ATP8A2: variants seen among roughly 807,000 people sequenced by gnomAD.
The protein encoded by ATP8A2 is phospholipid-transporting ATPase IB.
Under a neutral mutation model 165.6 loss-of-function variants are expected in ATP8A2, and 100 were observed. That is an observed-to-expected ratio of 0.60 (90% CI 0.51 to 0.71). The LOEUF is 0.71. Ranked by LOEUF, ATP8A2 falls within the 30% of genes least tolerant of loss-of-function variation. ATP8A2 has a pLI of 0.00. For missense variants in ATP8A2, 1,227 were observed against 1,479.5 expected (o/e 0.83, Z 2.80); for synonymous variants, 543 against 548.8 (o/e 0.99, Z 0.15).
intron 1 of ATP8A2, among the ~76,000 whole-genome samples, chr13:25,458,406 G>A (rs2035418548): frequency 6.6e-6 from 1 of 152,148 alleles, no homozygotes; most frequent in African/African-American, 2.4e-5. Context: ...TTGAGATGAG[G>A]GTCTTTCTGT....
At chr13:25,721,155 G>A (rs2043373103) in intron 25 of ATP8A2, among the ~76,000 whole-genome samples, 1 of 151,556 alleles carries the variant, frequency 6.6e-6, no homozygotes, top group South Asian at 2.1e-4. Context: ...GTAGGGATAA[G>A]GGTCTTGCTG....
At chr13:25,540,234 A>G in intron 7 of ATP8A2, 85 bp from the exon 8 acceptor site, 1 of 1,000,220 alleles carries the variant, frequency 1.0e-6, no homozygotes. Context: ...ATCAGCAGAC[A>G]CAGATTCCAT....
At chr13:25,702,947 A>G (rs887640358) in intron 25 of ATP8A2, among the ~76,000 whole-genome samples, 11 of 151,942 alleles carry the variant, frequency 7.2e-5, no homozygotes, top group African/African-American at 2.2e-4. Context: ...CTCTGGTCCT[A>G]TCGTATTCCC....
chr13:25,738,205 A>C (rs754911455), intron 25 of ATP8A2, among the ~76,000 whole-genome samples: 1 of 152,114 alleles, frequency 6.6e-6, no homozygotes, highest in Admixed American at 6.5e-5. Context: ...TTAAACTCCA[A>C]TGTCCCCGAG....
intron 25 of ATP8A2, among the ~76,000 whole-genome samples, chr13:25,745,582 C>G (rs554031270): frequency 9.7e-4 from 147 of 152,174 alleles, no homozygotes; most frequent in African/African-American, 3.3e-3. Context: ...GACTATGTAT[C>G]CACTCTATGA....
intron 29 of ATP8A2, among the ~76,000 whole-genome samples, chr13:25,838,784 G>T (rs989686538): frequency 3.9e-5 from 6 of 152,096 alleles, no homozygotes; most frequent in Non-Finnish European, 7.4e-5. Flanking sequence ...AGCCAAGATG[G>T]CCGAATAGGA....
chr13:25,814,660 A>G (rs1471793828), intron 27 of ATP8A2, among the ~76,000 whole-genome samples: 1 of 150,262 alleles, frequency 6.7e-6, no homozygotes, highest in African/African-American at 2.4e-5. Context: ...GAATGAGGCT[A>G]GGAAAACTGG....
chr13:25,882,416 C>T (rs3783123), intron 33 of ATP8A2, among the ~76,000 whole-genome samples: 4 of 152,298 alleles, frequency 2.6e-5, no homozygotes, highest in Admixed American at 6.5e-5. Flanking sequence ...CATGGTCAGA[C>T]GCAGCCTGTC....
chr13:25,710,644 G>A (rs552935245), intron 25 of ATP8A2, among the ~76,000 whole-genome samples: 147 of 152,314 alleles, frequency 9.7e-4, no homozygotes, highest in African/African-American at 3.3e-3. Flanking sequence ...AGTACCTACT[G>A]TTTAAGGTTG....
intron 25 of ATP8A2, among the ~76,000 whole-genome samples, chr13:25,733,714 C>T (rs1419204524): frequency 1.3e-5 from 2 of 152,140 alleles, no homozygotes; most frequent in Non-Finnish European, 2.9e-5. Flanking sequence ...CTATTTTATA[C>T]ATGGGCCCAT....
chr13:25,729,845 A>G (rs2043579455), intron 25 of ATP8A2, among the ~76,000 whole-genome samples: 1 of 152,080 alleles, frequency 6.6e-6, no homozygotes, highest in Non-Finnish European at 1.5e-5. Flanking sequence ...AACGTGGGGG[A>G]AAAAAATAGC....
chr13:25,748,095 A>G (rs1290862730), intron 25 of ATP8A2, among the ~76,000 whole-genome samples: 2 of 152,336 alleles, frequency 1.3e-5, no homozygotes, highest in East Asian at 3.9e-4. Flanking sequence ...GTAGAGATAT[A>G]TTTGTATCAT....
chr13:25,379,947 G>A (rs1194672704), intron 1 of ATP8A2, among the ~76,000 whole-genome samples: 1 of 152,178 alleles, frequency 6.6e-6, no homozygotes, highest in African/African-American at 2.4e-5. Context: ...ATTTTCTGGT[G>A]TTAGAGTTTG....
intron 10 of ATP8A2, among the ~76,000 whole-genome samples, chr13:25,545,353 A>C (rs1255159848): frequency 6.6e-6 from 1 of 152,046 alleles, no homozygotes; most frequent in South Asian, 2.1e-4. Context: ...GAATGCTTTA[A>C]GTTTATTGTT....
In ATP8A2 at chr13:25,953,748, G is replaced by A. The variant is rs1179812593; in HGVS notation, c.3184-7827G>A. ...CGTTGCCTCACCCGGGAAGCACAGG[G>A]GATTGAGGAACTCCCTCCCCTAGCC... is the stretch of plus-strand genomic sequence containing the variant. On this transcript the variant is annotated intron_variant, in intron 33 of 36. Coordinates refer to ENST00000381655, the MANE Select transcript of ATP8A2 (RefSeq NM_016529.6). This position sits in a 1 kb window ranked among gnomAD's most constrained non-coding sequence, Gnocchi z 6.7. 6.6e-6 allele frequency among the ~76,000 whole-genome samples: 1 copy of A among 151,960 alleles called. No individual in the cohort carries two copies. The highest frequency in any genetic ancestry group is 2.4e-5 in the African/African-American group (1 of 41,386).
chr13:25,429,869 G>T (rs2034557581), intron 1 of ATP8A2, among the ~76,000 whole-genome samples: 1 of 152,190 alleles, frequency 6.6e-6, no homozygotes, highest in Non-Finnish European at 1.5e-5. Flanking sequence ...GGTGGCCTGG[G>T]CAGGAGTCAG....
intron 25 of ATP8A2, among the ~76,000 whole-genome samples, chr13:25,743,616 T>C (rs1017888527): frequency 1.3e-5 from 2 of 152,196 alleles, no homozygotes; most frequent in African/African-American, 4.8e-5. Flanking sequence ...TTTGTAATGG[T>C]AGATGTATCA....
chr13:25,435,102 A>G (rs1459269941), intron 1 of ATP8A2, among the ~76,000 whole-genome samples: 1 of 150,182 alleles, frequency 6.7e-6, no homozygotes, highest in Non-Finnish European at 1.5e-5. Flanking sequence ...GAACTCTAGG[A>G]GTTCCTGGGC....
At chr13:25,990,150 G>A (rs1341102189) in intron 35 of ATP8A2, among the ~76,000 whole-genome samples, 1 of 151,476 alleles carries the variant, frequency 6.6e-6, no homozygotes, top group Non-Finnish European at 1.5e-5. Context: ...TTATACGTTG[G>A]CCCAGCCTAC....
Sources: gnomAD v4.1 joint callset for allele counts (sites outside exome capture counted in the v4.1 genomes callset) on GRCh38, gnomAD v4.1.1 for gene constraint, Gnocchi (gnomAD v3.1) non-coding constraint, MANE v1.5 for transcripts, NCBI Gene and HGNC (gene_info 2026-07-23, HGNC 2026-07-21) for gene names.